CD22: variants seen among roughly 807,000 people sequenced by gnomAD.
CD22 encodes CD22 molecule.
In CD22, 51 loss-of-function variants were observed where a neutral mutation model predicts 94.7. The ratio of observed to expected loss-of-function variants is 0.54; its 90% CI spans 0.43 to 0.68. The LOEUF (loss-of-function observed/expected upper bound fraction) is 0.68. Among genes scored for constraint, CD22 ranks in the 30% least tolerant of loss-of-function variants. The pLI is 0.00. For missense variants in CD22, 931 were observed against 1,060.4 expected, an observed-to-expected ratio of 0.88 and a Z score of 1.69; for synonymous variants, 424 against 422.5, an observed-to-expected ratio of 1.00 and a Z score of -0.04.
chr19:35,338,101 CG>C, intron 5 of CD22, 66 bp from the exon 6 acceptor site: 8 of 1,573,040 alleles, frequency 5.1e-6, no homozygotes, highest in Non-Finnish European at 6.9e-6. Flanking sequence ...CGGGGGCTCT[CG>C]GGGCCGTGTG....
chr19:35,329,415 A>G (rs1431899614), intron 1 of CD22, 185 bp downstream of exon 1: 1 of 390,274 alleles, frequency 2.6e-6, no homozygotes, highest in African/African-American at 2.1e-5. Flanking sequence ...AGGCCTGCTG[A>G]GTCTTCTGAG....
chr19:35,334,317 T>C (rs2066687482), intron 3 of CD22, among the ~76,000 whole-genome samples: 1 of 152,136 alleles, frequency 6.6e-6, no homozygotes, highest in Non-Finnish European at 1.5e-5. Context: ...AGTTAAACAA[T>C]TATGAGTGAA....
intron 11 of CD22, 121 bp from the exon 12 acceptor site, chr19:35,345,481 G>A (rs765583369): frequency 4.5e-6 from 3 of 668,122 alleles, no homozygotes; most frequent in Admixed American, 4.9e-5. Flanking sequence ...GCTGAGTGGG[G>A]AAACAAGGTG....
intron 9 of CD22, among the ~76,000 whole-genome samples, chr19:35,342,518 C>T (rs1367964701): frequency 6.6e-6 from 1 of 152,074 alleles, no homozygotes; most frequent in Non-Finnish European, 1.5e-5. Context: ...AGTGACTTCC[C>T]GAAAAGCCTT....
intron 6 of CD22, among the ~76,000 whole-genome samples, chr19:35,340,340 TGGCTTGATCTC>T (rs2066788797): frequency 6.6e-6 from 1 of 152,174 alleles, no homozygotes; most frequent in African/African-American, 2.4e-5. Context: ...TGGAGTGCAG[TGGCTTGATCTC>T]GGCTCACTGC....
Position 35,346,800 on chromosome 19 carries a change from GCACACACACA to G in CD22, c.*111_*120del. 1.1e-6 allele frequency: 1 copy of G among 907,862 alleles called. No individual in the cohort carries two copies. Among genetic ancestry groups the G allele is most frequent in the Non-Finnish European group, 1.6e-6 (1 of 618,494 alleles). 56.2% of individuals were successfully genotyped at this position (907,862 alleles called of 1,614,324 possible). On this transcript the variant is annotated 3_prime_UTR_variant, in exon 14 of 14. Coordinates refer to ENST00000085219, the MANE Select transcript of CD22 (RefSeq NM_001771.4). ...ATGGCTTCCTCCTGCGCGCATGTGC[GCACACACACA>G]CACACACGCACACACACACACACAC...
At chr19:35,346,377 C>T (rs370971214) in intron 13 of CD22, 142 bp downstream of exon 13, 43 of 1,089,814 alleles carry the variant, frequency 3.9e-5, no homozygotes, top group South Asian at 3.7e-4. Flanking sequence ...ACGGTTGCTC[C>T]GGCAGAGCTG....
In CD22 at chr19:35,332,785, G is replaced by T. The variant is rs772821688; in HGVS notation, c.273G>T (p.Arg91Ser). 1.9e-6 allele frequency: 3 copies of T among 1,614,148 alleles called. No individual in the cohort carries two copies. The highest frequency in any genetic ancestry group is 2.5e-6 in the Non-Finnish European group (3 of 1,180,026). ...GGAAGGTTCCTTCTGAGCAGAAAAGGGTGCAATTCCTGGGAGACAAGAATA... is the reference window on the plus strand; with the variant it reads ...GGAAGGTTCCTTCTGAGCAGAAAAGTGTGCAATTCCTGGGAGACAAGAATA... ...KDGKVPSEQK[R>S]VQFLGDKNKN... The change falls in exon 3 of 14, where the codon AGG becomes AGT. Residue 91 changes from arginine (R) to serine (S), a missense_variant. Physicochemically the swap from Arg to Ser is moderately radical, Grantham distance 110. Transcript: ENST00000085219.
intron 12 of CD22, 121 bp from the exon 13 acceptor site, chr19:35,346,030 G>T: frequency 1.3e-6 from 1 of 752,016 alleles, no homozygotes. Context: ...GCACTGGGGA[G>T]GCCACAGGTT....
In CD22 at chr19:35,346,965, G is replaced by A. The variant is rs2066918319; in HGVS notation, c.*268G>A. The A allele has an allele frequency of 2.6e-6, 1 of 383,574 alleles. No homozygotes were observed. The allele number at this position is 383,574 out of a possible 1,614,324, so 23.8% of individuals were successfully genotyped here. ...TACCCAGAAATCCATCTAAATACCT[G>A]CCCTGACATGCACACCTCCCCCTGC... On this transcript the variant is annotated 3_prime_UTR_variant, in exon 14 of 14. Transcript: ENST00000085219.
At chr19:35,333,140 G>T in intron 3 of CD22, 1 of 541,830 alleles carries the variant, frequency 1.8e-6, no homozygotes, top group Non-Finnish European at 3.3e-6. Flanking sequence ...CTGGGACCTG[G>T]ATTCCAAAGT....
rs369874900 is a variant in CD22 at position 35,337,864 on chromosome 19, G to A, written c.828G>A (p.Thr276=). 78 of 1,614,032 alleles carry A rather than the reference G, an allele frequency of 4.8e-5. No homozygotes were observed. Among genetic ancestry groups the A allele is most frequent in the African/African-American group, 6.7e-5 (5 of 74,918 alleles). The change falls in exon 5 of 14, where the codon ACG becomes ACA. Residue 276 remains threonine, a synonymous_variant. Transcript: ENST00000085219. The surrounding 1 kb of genome is among the most constrained non-coding windows in gnomAD (Gnocchi z 4.4). ...GCAGCAGCAACCCGGAGTACACGAC[G>A]GTATCCTGGCTCAAGGATGGGACCT... ...EVSSSNPEYT[T]VSWLKDGTSL...
rs1180956305 is a variant in CD22 at position 35,337,546 on chromosome 19, T to C, written c.719-209T>C. Among the ~76,000 whole-genome samples the C allele has an allele frequency of 6.6e-6, 1 of 152,106 alleles. No homozygotes were observed. The highest frequency in any genetic ancestry group is 1.5e-5 in the Non-Finnish European group (1 of 68,020). On this transcript the variant is annotated intron_variant, in intron 4 of 13. Coordinates refer to ENST00000085219, the MANE Select transcript of CD22 (RefSeq NM_001771.4). The surrounding 1 kb of genome is among the most constrained non-coding windows in gnomAD (Gnocchi z 4.4). ...AGCAGGATTGGCGAGGTCTGGTAGA[T>C]GGTGTTAGGAACCCTGCGTGCTGCT...
intron 9 of CD22, 144 bp from the exon 10 acceptor site, chr19:35,344,685 A>C (rs1599692425): frequency 1.5e-6 from 1 of 660,132 alleles, no homozygotes; most frequent in Non-Finnish European, 2.7e-6. Flanking sequence ...GGCCGTTGTC[A>C]CCCTCTTCCT....
chr19:35,331,929 G>A (rs146174774), intron 1 of CD22, 90 bp from the exon 2 acceptor site: 3 of 1,600,366 alleles, frequency 1.9e-6, no homozygotes, highest in Admixed American at 1.7e-5. Context: ...GGATCCAGGG[G>A]AAGGGTCGGA....
At chr19:35,344,296 C>T (rs2066866482) in intron 9 of CD22, among the ~76,000 whole-genome samples, 1 of 152,226 alleles carries the variant, frequency 6.6e-6, no homozygotes, top group South Asian at 2.1e-4. Context: ...AGACACATCC[C>T]ATCATATAAA....
intron 13 of CD22, 84 bp from the exon 14 acceptor site, chr19:35,346,482 G>A (rs2066909844): frequency 6.5e-7 from 1 of 1,531,486 alleles, no homozygotes; most frequent in Non-Finnish European, 8.9e-7. Context: ...ACCCCCGGGT[G>A]GAATGAAGGA....
rs766852412 is a variant in CD22, at chr19:35,345,704, A to C, written c.2311A>C (p.Asn771His). 8 of 1,610,894 alleles carry C rather than the reference A, an allele frequency of 5.0e-6. No homozygotes were observed. The highest frequency in any genetic ancestry group is 6.8e-6 in the Non-Finnish European group (8 of 1,177,188). ...CACCACCCTGCGCTTTCCCGAGATG[A>C]ACATACCACGAACTGGGTACTGAGG... ...SYTTLRFPEM[N>H]IPRTGDAESS... is the part of the protein sequence containing the mutation. Residue 771 changes from asparagine to histidine, a missense_variant, in exon 12 of 14, where the codon AAC becomes CAC. By Grantham distance (68) the Asn-to-His change is moderately conservative (BLOSUM62 1). Transcript: ENST00000085219.
chr19:35,341,574 C>G lies in CD22; in HGVS notation c.1739C>G (p.Thr580Arg). ...SCWVNNSIGQ[T>R]ASKAWTLEVL... ...TGGGTGAACAACTCCATAGGACAGA[C>G]AGCGTCCAAGGCCTGGACACTTGAA... The change falls in exon 8 of 14, where the codon ACA (threonine) becomes AGA (arginine). Residue 580 changes from threonine (T) to arginine (R), a missense_variant. Thr to Arg is a moderately conservative substitution (Grantham distance 71). Coordinates refer to ENST00000085219, the MANE Select transcript of CD22 (RefSeq NM_001771.4). This position sits in a 1 kb window ranked among gnomAD's most constrained non-coding sequence, Gnocchi z 4.0. 6.2e-7 allele frequency: 1 copy of G among 1,613,662 alleles called. No individual in the cohort carries two copies. Among genetic ancestry groups the G allele is most frequent in the Non-Finnish European group, 8.5e-7 (1 of 1,179,662 alleles).
Sources: allele counts gnomAD v4.1 joint callset (sites outside exome capture counted in the v4.1 genomes callset), GRCh38; gene constraint gnomAD v4.1.1; non-coding constraint Gnocchi (gnomAD v3.1); transcripts MANE v1.5; gene names NCBI Gene and HGNC (gene_info 2026-07-23, HGNC 2026-07-21).